EFHC2: variants seen among roughly 807,000 people sequenced by gnomAD.
EFHC2 encodes the protein EF-hand domain-containing family member C2.
EFHC2 carries 18 observed loss-of-function variants against 52.7 expected under a neutral mutation model. The ratio of observed to expected loss-of-function variants is 0.34; its 90% CI spans 0.24 to 0.51. The LOEUF is 0.51. Among genes scored for constraint, EFHC2 ranks in the 20% least tolerant of loss-of-function variants. The probability of loss-of-function intolerance (pLI) is 0.97; values close to 1 mark genes in which losing one functional copy is unlikely to be tolerated. For missense variants in EFHC2, 513 were observed against 562.5 expected, an observed-to-expected ratio of 0.91 and a Z score of 0.89; for synonymous variants, 203 against 204.1, an observed-to-expected ratio of 0.99 and a Z score of 0.04.
intron 8 of EFHC2, 70 bp downstream of exon 8, chrX:44,242,051 T>A: frequency 9.7e-7 from 1 of 1,030,693 alleles, no homozygotes; most frequent in Non-Finnish European, 1.3e-6. Context: ...TGTTTCGTCA[T>A]GAGAACTATG....
chrX:44,199,126 G>T (rs1245868539), intron 11 of EFHC2, among the ~76,000 whole-genome samples: 2 of 112,821 alleles, frequency 1.8e-5, no homozygotes, highest in African/African-American at 6.4e-5. Flanking sequence ...GGAGGGATTT[G>T]GATCATGGAG....
intron 11 of EFHC2, among the ~76,000 whole-genome samples, chrX:44,195,839 G>A (rs1294431753): frequency 8.9e-6 from 1 of 111,829 alleles, no homozygotes; most frequent in Admixed American, 9.4e-5. Context: ...CTTGCACTCT[G>A]CATTAGGATC....
chrX:44,207,952 A>C (rs940004756), intron 11 of EFHC2, among the ~76,000 whole-genome samples: 1 of 112,449 alleles, frequency 8.9e-6, no homozygotes, highest in African/African-American at 3.2e-5. Flanking sequence ...ATAAGATATC[A>C]TCTCACGCCA....
In EFHC2 at chrX:44,164,086, G is replaced by C. The variant is rs1055530243; in HGVS notation, c.2043-59C>G. The C allele has an allele frequency of 7.0e-6, 5 of 713,965 alleles. No homozygotes were observed. In the African/African-American group the frequency reaches 1.1e-4, roughly 16 times the overall value. 58.8% of individuals were successfully genotyped at this position (713,965 alleles called of 1,213,427 possible). On this transcript the variant is annotated intron_variant, in intron 13 of 14. Coordinates refer to ENST00000420999, the MANE Select transcript of EFHC2 (RefSeq NM_025184.4). ...AATCTGCAGAATTCAAGACCAAAAT[G>C]TCAGTTTCAATTTTATCATGAAAAC...
chrX:44,179,018 T>C (rs1161488896), intron 11 of EFHC2, among the ~76,000 whole-genome samples: 2 of 109,955 alleles, frequency 1.8e-5, no homozygotes, highest in Non-Finnish European at 3.8e-5. Flanking sequence ...AAAGCAATCA[T>C]GCACATTTCT....
intron 1 of EFHC2, among the ~76,000 whole-genome samples, chrX:44,315,963 A>G (rs2037980375): frequency 8.9e-6 from 1 of 111,795 alleles, no homozygotes; most frequent in Non-Finnish European, 1.9e-5. Flanking sequence ...AATATTTACT[A>G]AAGCCTAATA....
intron 11 of EFHC2, among the ~76,000 whole-genome samples, chrX:44,188,543 C>T (rs1276102911): frequency 9.0e-6 from 1 of 111,278 alleles, no homozygotes; most frequent in African/African-American, 3.3e-5. Flanking sequence ...CCCTCAATAT[C>T]TACATCCTAG....
chrX:44,244,354 C>G (rs925333708), intron 7 of EFHC2, among the ~76,000 whole-genome samples: 9 of 112,101 alleles, frequency 8.0e-5, no homozygotes, highest in African/African-American at 2.9e-4. Context: ...AAGCTCTGGA[C>G]TCACAGCTGA....
Position 44,250,567 on chromosome X carries a change from G to C in EFHC2, c.607-122C>G. 3 of 847,898 alleles carry C rather than the reference G, an allele frequency of 3.5e-6. No homozygotes were observed. The South Asian group carries it at 1.3e-4, about 37-fold the overall frequency. The allele number at this position is 847,898 out of a possible 1,213,427, so 69.9% of individuals were successfully genotyped here. A position where few individuals can be genotyped will look rare whatever the true frequency, so the allele number is the denominator to read the frequency against. The stretch of plus-strand genomic sequence containing the variant: ...TGGTCAGGCATGGTGGCTGATGCCT[G>C]TAATCCCAGCATTTTGGGAGGCCAA... On this transcript the variant is annotated intron_variant, in intron 4 of 14. Transcript: ENST00000420999.
chrX:44,253,225 C>G (rs1347995023), intron 4 of EFHC2, among the ~76,000 whole-genome samples: 2 of 107,549 alleles, frequency 1.9e-5, no homozygotes, highest in African/African-American at 6.8e-5. Context: ...AGACACCAAG[C>G]TAGCTGCAGT....
intron 4 of EFHC2, among the ~76,000 whole-genome samples, chrX:44,259,533 A>T (rs2037521220): frequency 8.9e-6 from 1 of 112,243 alleles, no homozygotes; most frequent in Admixed American, 9.4e-5. Flanking sequence ...GTATCCCAGA[A>T]CTTAAAGTAT....
chrX:44,337,353 C>T, intron 1 of EFHC2, among the ~76,000 whole-genome samples: 1 of 110,986 alleles, frequency 9.0e-6, no homozygotes, highest in Non-Finnish European at 1.9e-5. Flanking sequence ...TATCATTCCT[C>T]AATAGCACCC....
At chrX:44,243,250 C>G (rs1270719616) in intron 7 of EFHC2, among the ~76,000 whole-genome samples, 2 of 111,914 alleles carry the variant, frequency 1.8e-5, no homozygotes, top group Non-Finnish European at 3.8e-5. Context: ...GATGCCACAT[C>G]TTTCCTAAAA....
intron 1 of EFHC2, among the ~76,000 whole-genome samples, chrX:44,331,534 C>A (rs2038086536): frequency 8.9e-6 from 1 of 111,784 alleles, no homozygotes; most frequent in African/African-American, 3.3e-5. Flanking sequence ...CACAAACATA[C>A]AAATGAATAC....
Position 44,246,937 on chromosome X carries a change from A to C in EFHC2, c.1111+1335T>G, listed in dbSNP as rs757605247. On this transcript the variant is annotated intron_variant, in intron 7 of 14. Transcript: ENST00000420999. ...ACATTTAAATTTTCATTCTACACTA[A>C]AGACGGATTCCAAACAGGCATCTAC... 2.7e-5 allele frequency among the ~76,000 whole-genome samples: 3 copies of C among 111,739 alleles called. No homozygotes were observed. In the Admixed American group the frequency reaches 2.8e-4, roughly 11 times the overall value.
At position 44,305,248 on chromosome X, in the gene EFHC2, C is replaced by T. The variant is rs764303692; in HGVS notation, c.231+7320G>A. On this transcript the variant is annotated intron_variant, in intron 2 of 14. Coordinates refer to ENST00000420999, the MANE Select transcript of EFHC2 (RefSeq NM_025184.4). ...CTGCACTCCAGCCTGGGCAACAGAG[C>T]GAGATTCCGCCTCAAAAAAAAATAA... 2.4e-3 allele frequency among the ~76,000 whole-genome samples: 258 copies of T among 109,742 alleles called. 2 individuals carry two copies. The highest frequency in any genetic ancestry group is 7.8e-3 in the African/African-American group (235 of 30,152).
intron 4 of EFHC2, among the ~76,000 whole-genome samples, chrX:44,256,490 C>T (rs2037492545): frequency 8.9e-6 from 1 of 111,759 alleles, no homozygotes; most frequent in South Asian, 3.7e-4. Context: ...ATACAAACTA[C>T]CATCAGAGAA....
rs750205296 is a variant in EFHC2 at position 44,236,252 on chromosome X, T to C, written c.1281-805A>G. Reference sequence around the variant, plus strand: ...GTAGACTAAAGATAGGATCAAATTATAGAATTAAAAGTTACCAAAGCTGAT... The same window carrying C: ...GTAGACTAAAGATAGGATCAAATTACAGAATTAAAAGTTACCAAAGCTGAT... On this transcript the variant is annotated intron_variant, in intron 8 of 14. Coordinates refer to ENST00000420999, the MANE Select transcript of EFHC2 (RefSeq NM_025184.4). Among the ~76,000 whole-genome samples, 8 of 112,473 alleles carry C rather than the reference T, an allele frequency of 7.1e-5. No homozygotes were observed. The East Asian group carries it at 2.2e-3, about 32-fold the overall frequency.
chrX:44,304,086 C>T (rs931574693), intron 2 of EFHC2, among the ~76,000 whole-genome samples: 2 of 112,032 alleles, frequency 1.8e-5, no homozygotes, highest in Admixed American at 1.9e-4. Flanking sequence ...AATATTCCAA[C>T]GTTTTATAAA....
Sources: allele counts gnomAD v4.1 joint callset (sites outside exome capture counted in the v4.1 genomes callset), GRCh38; gene constraint gnomAD v4.1.1; transcripts MANE v1.5; gene names NCBI Gene and HGNC (gene_info 2026-07-23, HGNC 2026-07-21).